USP34: variants seen among roughly 807,000 people sequenced by gnomAD.
USP34 encodes the protein ubiquitin carboxyl-terminal hydrolase 34.
A neutral mutation model predicts 460.3 loss-of-function variants in USP34; 70 were observed. The observed-to-expected ratio is 0.15, with a 90% CI of 0.13 to 0.19. The LOEUF (loss-of-function observed/expected upper bound fraction) is 0.19. Ranked by LOEUF, USP34 falls within the 10% of genes least tolerant of loss-of-function variation. The pLI is 1.00. For synonymous variants in USP34, 1,647 were observed against 1,405.3 expected (o/e 1.17, Z -3.85); for missense variants, 3,985 against 4,236.2 (o/e 0.94, Z 1.65).
chr2:61,351,084 G>A (rs1199799501), intron 10 of USP34, among the ~76,000 whole-genome samples: 4 of 152,138 alleles, frequency 2.6e-5, no homozygotes, highest in African/African-American at 9.7e-5. Flanking sequence ...AAAATTAGGT[G>A]GGTGCTGAGG....
intron 10 of USP34, among the ~76,000 whole-genome samples, chr2:61,369,643 A>AG (rs1491587538): frequency 2.0e-3 from 69 of 34,376 alleles, no homozygotes; most frequent in Non-Finnish European, 2.6e-3. Context: ...ATTCCGTCTC[A>AG]AAAAAAAAAA....
intron 1 of USP34, among the ~76,000 whole-genome samples, chr2:61,451,291 C>T (rs1402856458): frequency 5.4e-5 from 8 of 147,676 alleles, no homozygotes; most frequent in Non-Finnish European, 1.0e-4. Flanking sequence ...CGGCACCAGG[C>T]ACAAAGATAA....
In USP34 at chr2:61,188,907, A is replaced by G; in HGVS notation, c.10033+3T>C. 6.2e-7 allele frequency: 1 copy of G among 1,614,066 alleles called. No individual in the cohort carries two copies. The highest frequency in any genetic ancestry group is 1.7e-4 in the Middle Eastern group (1 of 6,060). On this transcript the variant is annotated splice_donor_region_variant and intron_variant, in intron 79 of 79. Transcript: ENST00000398571. ...GGTAATGATAGTAGTCCATAAAGCT[A>G]ACCTTTAGTTTTTCTTTCTTTGGCT...
At chr2:61,457,866 GCAA>G (rs1196192362) in intron 1 of USP34, among the ~76,000 whole-genome samples, 1 of 152,052 alleles carries the variant, frequency 6.6e-6, no homozygotes, top group Admixed American at 6.6e-5. Context: ...AACAGCAGCA[GCAA>G]CAACAAAAAG....
At chr2:61,247,264 G>C (rs924534749) in intron 49 of USP34, among the ~76,000 whole-genome samples, 3 of 152,192 alleles carry the variant, frequency 2.0e-5, no homozygotes, top group African/African-American at 7.2e-5. Flanking sequence ...GAAATGATGA[G>C]ATCTGGCTGA....
At chr2:61,461,285 C>G (rs557040601) in intron 1 of USP34, among the ~76,000 whole-genome samples, 3 of 151,296 alleles carry the variant, frequency 2.0e-5, no homozygotes, top group South Asian at 4.2e-4. Context: ...CCCAGCTACT[C>G]GGGAGTCTGA....
chr2:61,189,762 G>C (rs1245146101), intron 78 of USP34: 1 of 152,730 alleles, frequency 6.5e-6, no homozygotes, highest in Non-Finnish European at 1.5e-5. Context: ...CTTCCTTACT[G>C]AGCTCTGTCA....
chr2:61,469,804 G>A (rs1411220547), intron 1 of USP34, among the ~76,000 whole-genome samples: 1 of 152,174 alleles, frequency 6.6e-6, no homozygotes, highest in Non-Finnish European at 1.5e-5. Flanking sequence ...ACGCCCAGAA[G>A]TAGTTGATTT....
At chr2:61,356,475 G>GCGCGCACGCACACACACACA (rs369666693) in intron 10 of USP34, among the ~76,000 whole-genome samples, 32 of 128,418 alleles carry the variant, frequency 2.5e-4, no homozygotes, top group African/African-American at 7.8e-4. Context: ...GGGTGAAAGC[G>GCGCGCACGCACACACACACA]CACACACACA....
intron 30 of USP34, among the ~76,000 whole-genome samples, chr2:61,296,309 A>G (rs1296289493): frequency 1.3e-5 from 2 of 152,252 alleles, no homozygotes; most frequent in African/African-American, 4.8e-5. Flanking sequence ...AATGTTAAAG[A>G]CTTTACAAAG....
intron 2 of USP34, among the ~76,000 whole-genome samples, chr2:61,413,939 A>T (rs533198300): frequency 6.7e-5 from 10 of 149,132 alleles, no homozygotes; most frequent in East Asian, 3.9e-4. Context: ...CAAAAAAATT[A>T]AAAAAATTAA....
At chr2:61,314,555 A>C in intron 25 of USP34, 30 bp downstream of exon 25, 1 of 1,439,912 alleles carries the variant, frequency 6.9e-7, no homozygotes, top group Non-Finnish European at 9.1e-7. Flanking sequence ...AATGAAATTC[A>C]TTCTAACAGT....
chr2:61,470,907 G>C lies in USP34; in HGVS notation c.-215C>G. ...CGGGAGGGGGAGAGGAGGGGAGCGA[G>C]GGGAGGTGCGCAGGCCGGAGGGGCG... On this transcript the variant is annotated 5_prime_UTR_variant, in exon 1 of 80. Transcript: ENST00000398571. 1 of 204,106 alleles carries C rather than the reference G, an allele frequency of 4.9e-6. No homozygotes were observed. Among genetic ancestry groups the C allele is most frequent in the Non-Finnish European group, 9.8e-6 (1 of 101,758 alleles). The allele number at this position is 204,106 out of a possible 1,614,324, so 12.6% of individuals were successfully genotyped here.
chr2:61,315,705 T>C (rs1038583126), intron 23 of USP34, among the ~76,000 whole-genome samples: 1 of 151,998 alleles, frequency 6.6e-6, no homozygotes, highest in Non-Finnish European at 1.5e-5. Flanking sequence ...AACCATGAGA[T>C]GACAACAAAA....
chr2:61,467,876 C>T lies in USP34; in HGVS notation c.43+2774G>A, dbSNP rs975019624. On this transcript the variant is annotated intron_variant, in intron 1 of 79. Coordinates refer to ENST00000398571, the MANE Select transcript of USP34 (RefSeq NM_014709.4). ...GACCTTGTGATCCGCCCACCTCGGC[C>T]TCCCAAAGTGTTGGGAATACAGGCG... Among the ~76,000 whole-genome samples the T allele has an allele frequency of 3.3e-5, 5 of 152,140 alleles. No individual in the cohort carries two copies. The East Asian group carries it at 9.7e-4, about 29-fold the overall frequency.
rs1572895056 is a variant in USP34, at chr2:61,278,245, C to G, written c.5353G>C (p.Asp1785His). The change falls in exon 41 of 80, where the codon GAT (aspartate) becomes CAT (histidine). Residue 1785 changes from aspartate to histidine, a missense_variant. Transcript: ENST00000398571. ...LDHQDGNVED[D>H]GLTGLLRLAT... ...AGCCTTAGGAGTCCTGTAAGCCCAT[C>G]ATCTTCTACATTACCATCCTGATGA... is the stretch of plus-strand genomic sequence containing the variant. 1.9e-6 allele frequency: 3 copies of G among 1,613,724 alleles called. No homozygotes were observed. The highest frequency in any genetic ancestry group is 1.7e-5 in the Admixed American group (1 of 59,984).
At chr2:61,421,987 C>T (rs769146458) in intron 1 of USP34, among the ~76,000 whole-genome samples, 53 of 152,240 alleles carry the variant, frequency 3.5e-4, no homozygotes, top group Non-Finnish European at 4.9e-4. Flanking sequence ...GAAAAGGAAA[C>T]GGCGTAAGGC....
intron 3 of USP34, among the ~76,000 whole-genome samples, chr2:61,396,315 T>C (rs917894996): frequency 6.6e-6 from 1 of 152,174 alleles, no homozygotes; most frequent in Non-Finnish European, 1.5e-5. Context: ...GGCAATATCC[T>C]TCAATATTTA....
At chr2:61,293,209 C>A (rs1333698631) in intron 33 of USP34, among the ~76,000 whole-genome samples, 1 of 151,692 alleles carries the variant, frequency 6.6e-6, no homozygotes, top group Non-Finnish European at 1.5e-5. Context: ...AATTTATCAA[C>A]CTAAAGGAAA....
Sources: gnomAD v4.1 joint callset for allele counts (sites outside exome capture counted in the v4.1 genomes callset) on GRCh38, gnomAD v4.1.1 for gene constraint, MANE v1.5 for transcripts, NCBI Gene and HGNC (gene_info 2026-07-23, HGNC 2026-07-21) for gene names.